SCGB1C1: variants seen among roughly 807,000 people sequenced by gnomAD.
SCGB1C1 encodes ligand binding protein RYD5.
SCGB1C1 carries 2 observed loss-of-function variants against 8.9 expected under a neutral mutation model. That is an observed-to-expected ratio of 0.23 (90% CI 0.09 to 0.71). SCGB1C1 has a LOEUF of 0.71. Ranked by LOEUF, SCGB1C1 falls within the 30% of genes least tolerant of loss-of-function variation. The pLI is 0.78. For missense variants in SCGB1C1, 25 were observed against 112.7 expected (o/e 0.22, Z 3.52); for synonymous variants, 6 against 45.8 (o/e 0.13, Z 3.51).
chr11:192,351 C>A (rs1255180678), upstream of SCGB1C1, among the ~76,000 whole-genome samples: 38 of 152,252 alleles, frequency 2.5e-4, no homozygotes, highest in African/African-American at 9.2e-4. Context: ...GGGCCTTCAA[C>A]CTGGGGGGTT....
At chr11:192,050 T>C (rs1226518846), upstream of SCGB1C1, among the ~76,000 whole-genome samples, 1 of 152,192 alleles carries the variant, frequency 6.6e-6, no homozygotes, top group Non-Finnish European at 1.5e-5. Flanking sequence ...GATGGGATTT[T>C]ATGTGATTGT....
upstream of SCGB1C1, among the ~76,000 whole-genome samples, chr11:190,670 G>C (rs1275148290): frequency 1.9e-3 from 281 of 148,592 alleles, no homozygotes; most frequent in African/African-American, 7.0e-3. Context: ...ACTTAGGCTT[G>C]TGGGACCTCC....
At chr11:190,747 G>A (rs1285794977), upstream of SCGB1C1, among the ~76,000 whole-genome samples, 1 of 152,402 alleles carries the variant, frequency 6.6e-6, no homozygotes, top group South Asian at 2.1e-4. Context: ...CCTCCTTCCC[G>A]CCATCCCAGG....
At chr11:190,748 C>T (rs1422267956), upstream of SCGB1C1, among the ~76,000 whole-genome samples, 2 of 152,302 alleles carry the variant, frequency 1.3e-5, no homozygotes, top group Non-Finnish European at 2.9e-5. Flanking sequence ...CTCCTTCCCG[C>T]CATCCCAGGC....
upstream of SCGB1C1, among the ~76,000 whole-genome samples, chr11:192,468 A>G (rs1159393875): frequency 6.6e-6 from 1 of 151,092 alleles, no homozygotes; most frequent in Non-Finnish European, 1.5e-5. Flanking sequence ...CCTGGCCCCA[A>G]CATGGCCAGC....
upstream of SCGB1C1, among the ~76,000 whole-genome samples, chr11:190,458 C>G (rs1181873888): frequency 6.6e-6 from 1 of 151,634 alleles, no homozygotes; most frequent in Admixed American, 6.6e-5. Context: ...TGGCAGATAA[C>G]TTCATTGAAA....
At chr11:189,561 TG>T (rs1854744552), upstream of SCGB1C1, among the ~76,000 whole-genome samples, 1 of 14,318 alleles carries the variant, frequency 7.0e-5, no homozygotes, top group Non-Finnish European at 1.5e-4. Context: ...TGGGGGGAGG[TG>T]GGTGGTGCAG....
upstream of SCGB1C1, among the ~76,000 whole-genome samples, chr11:191,788 G>A (rs1293075758): frequency 1.1e-4 from 17 of 152,298 alleles, no homozygotes; most frequent in African/African-American, 3.9e-4. Flanking sequence ...ACCAAAATAC[G>A]CCACCCCAAA....
At chr11:191,862 CCCCTAACCCTAA>C (rs775496180), upstream of SCGB1C1, among the ~76,000 whole-genome samples, 10 of 27,370 alleles carry the variant, frequency 3.7e-4, no homozygotes, top group South Asian at 8.5e-3. Flanking sequence ...TAACCCCTAA[CCCCTAACCCTAA>C]CCCTAACCCT....
At chr11:191,732 G>A (rs1391083012), upstream of SCGB1C1, among the ~76,000 whole-genome samples, 1 of 152,414 alleles carries the variant, frequency 6.6e-6, no homozygotes, top group East Asian at 1.9e-4. Flanking sequence ...ATTGCTGAAG[G>A]AAAAACAAGA....
chr11:193,685 C>T (rs757242086), intron 1 of SCGB1C1, 27 bp from the exon 2 acceptor site: 67 of 1,611,232 alleles, frequency 4.2e-5, no homozygotes, highest in Middle Eastern at 1.8e-4. Flanking sequence ...CCTGTCCTGT[C>T]CTGGCATCAT....
chr11:190,100 C>T (rs1167107895), upstream of SCGB1C1, among the ~76,000 whole-genome samples: 2 of 141,752 alleles, frequency 1.4e-5, no homozygotes, highest in Non-Finnish European at 3.1e-5. Flanking sequence ...GGTCCTCTTG[C>T]TCATGGTGTG....
chr11:193,165 GC>G lies in SCGB1C1; in HGVS notation c.55+13del. On this transcript the variant is annotated intron_variant, in intron 1 of 2. Transcript: ENST00000342878. ...TGTTCTGCATCTGCCGTGAGTCTGT[GC>G]CACTGGGGTTTCCAGAACATTCAGG... is the stretch of plus-strand genomic sequence containing the variant. 1 of 937,872 alleles carries G rather than the reference GC, an allele frequency of 1.1e-6. No individual in the cohort carries two copies. The highest frequency in any genetic ancestry group is 1.6e-6 in the Non-Finnish European group (1 of 629,748). The allele number at this position is 937,872 out of a possible 1,614,324, so 58.1% of individuals were successfully genotyped here. A position where few individuals can be genotyped will look rare whatever the true frequency, so the allele number is the denominator to read the frequency against.
upstream of SCGB1C1, among the ~76,000 whole-genome samples, chr11:191,729 A>G (rs1205412884): frequency 6.6e-6 from 1 of 152,414 alleles, no homozygotes; most frequent in African/African-American, 2.4e-5. Flanking sequence ...CAAATTGCTG[A>G]AGGAAAAACA....
upstream of SCGB1C1, among the ~76,000 whole-genome samples, chr11:190,064 C>CG (rs1287637067): frequency 5.2e-4 from 2 of 3,810 alleles, no homozygotes; most frequent in African/African-American, 1.4e-3. Flanking sequence ...GCAGCACGAC[C>CG]CCTGCTGGCA....
At chr11:192,495 C>T (rs1262213074), upstream of SCGB1C1, among the ~76,000 whole-genome samples, 1 of 150,200 alleles carries the variant, frequency 6.7e-6, no homozygotes, top group Non-Finnish European at 1.5e-5. Context: ...TTCCTCAGAC[C>T]CTCTCAGGCC....
upstream of SCGB1C1, among the ~76,000 whole-genome samples, chr11:191,858 CTAA>C (rs1854816193): frequency 1.2e-4 from 2 of 16,788 alleles, no homozygotes; most frequent in African/African-American, 2.5e-4. Flanking sequence ...ACCCTAACCC[CTAA>C]CCCCTAACCC....
upstream of SCGB1C1, among the ~76,000 whole-genome samples, chr11:189,824 T>G (rs1370539197): frequency 6.6e-6 from 1 of 150,640 alleles, no homozygotes; most frequent in Non-Finnish European, 1.5e-5. Context: ...CAGCGCCCCC[T>G]GCTGGCGCCG....
upstream of SCGB1C1, among the ~76,000 whole-genome samples, chr11:189,904 C>T: frequency 6.6e-6 from 1 of 152,298 alleles, no homozygotes; most frequent in Admixed American, 6.5e-5. Flanking sequence ...AGGGACGTTG[C>T]AGGGCCCTCT....
Sources: gnomAD v4.1 joint callset for allele counts (sites outside exome capture counted in the v4.1 genomes callset) on GRCh38, gnomAD v4.1.1 for gene constraint, MANE v1.5 for transcripts, NCBI Gene and HGNC (gene_info 2026-07-23, HGNC 2026-07-21) for gene names.